C18orf63: variants seen among roughly 807,000 people sequenced by gnomAD.
The protein encoded by C18orf63 is uncharacterized protein C18orf63.
Under a neutral mutation model 75.3 loss-of-function variants are expected in C18orf63, and 50 were observed. The ratio of observed to expected loss-of-function variants is 0.66; its 90% CI spans 0.53 to 0.84. The LOEUF (loss-of-function observed/expected upper bound fraction) is 0.84, where lower values mean the gene tolerates loss of function less well. Ranked by LOEUF, C18orf63 falls within the 40% of genes least tolerant of loss-of-function variation. The pLI, the probability that C18orf63 is intolerant of heterozygous loss-of-function variation, is 0.00. For missense variants in C18orf63, 732 were observed against 800.2 expected, an observed-to-expected ratio of 0.91 and a Z score of 1.03; for synonymous variants, 232 against 267.6, an observed-to-expected ratio of 0.87 and a Z score of 1.30.
chr18:74,321,068 C>T (rs960343261), intron 3 of C18orf63, among the ~76,000 whole-genome samples: 1 of 151,996 alleles, frequency 6.6e-6, no homozygotes, highest in African/African-American at 2.4e-5. Flanking sequence ...CTGTATGTAA[C>T]CCTGAATTAT....
intron 11 of C18orf63, among the ~76,000 whole-genome samples, chr18:74,348,554 G>A (rs907578219): frequency 9.9e-5 from 15 of 152,010 alleles, no homozygotes; most frequent in African/African-American, 3.6e-4. Flanking sequence ...CAAGCTTTTG[G>A]CCTTCTTCTA....
intron 8 of C18orf63, among the ~76,000 whole-genome samples, 162 bp downstream of exon 8, chr18:74,338,986 T>A (rs970211135): frequency 3.9e-5 from 6 of 152,074 alleles, no homozygotes; most frequent in African/African-American, 1.4e-4. Flanking sequence ...ATTGTCATAT[T>A]TACAAAAGCC....
At chr18:74,343,334 G>T (rs528188535) in intron 10 of C18orf63, among the ~76,000 whole-genome samples, 185 bp from the exon 11 acceptor site, 2 of 152,118 alleles carry the variant, frequency 1.3e-5, no homozygotes, top group Admixed American at 6.5e-5. Context: ...AGAATAGAAG[G>T]AATGAAGATC....
intron 7 of C18orf63, among the ~76,000 whole-genome samples, chr18:74,336,198 TC>T (rs1984388531): frequency 6.6e-6 from 1 of 152,106 alleles, no homozygotes; most frequent in Non-Finnish European, 1.5e-5. Context: ...TTCAACTCTG[TC>T]CTTTCTGCTG....
chr18:74,342,175 T>C, intron 9 of C18orf63, 47 bp downstream of exon 9: 1 of 1,439,866 alleles, frequency 6.9e-7, no homozygotes, highest in South Asian at 1.2e-5. Context: ...TTGATTTTTG[T>C]TTATTGTAAC....
chr18:74,325,042 T>C (rs914667372), intron 4 of C18orf63, among the ~76,000 whole-genome samples: 2 of 152,204 alleles, frequency 1.3e-5, no homozygotes, highest in African/African-American at 4.8e-5. Flanking sequence ...AGCACTCTAC[T>C]TGATTCTGGG....
At position 74,338,746 on chromosome 18, in the gene C18orf63, T is replaced by C; in HGVS notation, c.533T>C (p.Ile178Thr). Residue 178 changes from isoleucine to threonine, a missense_variant, in exon 8 of 14, where the codon ATA becomes ACA. By Grantham distance (89) the Ile-to-Thr change is moderately conservative. Transcript: ENST00000579455. ...LKEFEISQSI[I>T]KDFHANKHAV... ...GAGTTTGAGATTTCCCAGAGTATTATAAAGGATTTTCATGCTAACAAGCAT... is the reference window on the plus strand; with the variant it reads ...GAGTTTGAGATTTCCCAGAGTATTACAAAGGATTTTCATGCTAACAAGCAT... The C allele has an allele frequency of 1.4e-6, 2 of 1,401,982 alleles. No individual in the cohort carries two copies. Among genetic ancestry groups the C allele is most frequent in the South Asian group, 1.6e-5 (1 of 62,546 alleles). The allele number at this position is 1,401,982 out of a possible 1,614,324, so 86.8% of individuals were successfully genotyped here.
At position 74,354,184 on chromosome 18, in the gene C18orf63, A is replaced by T. The variant is rs1568241348; in HGVS notation, c.1917A>T (p.Lys639Asn). 1.3e-6 allele frequency: 2 copies of T among 1,536,266 alleles called. No individual in the cohort carries two copies. Among genetic ancestry groups the T allele is most frequent in the South Asian group, 1.2e-5 (1 of 84,058 alleles). Reference protein sequence around the residue: ...VSKIAHRSKRKLCPESSKTSK... With the variant: ...VSKIAHRSKRNLCPESSKTSK... ...AAATAGCCCACAGGTCTAAAAGAAA[A>T]TTATGTCCAGAGTCTTCCAAAACTT... Residue 639 changes from lysine to asparagine, a missense_variant, in exon 12 of 14, where the codon AAA becomes AAT. Lys to Asn is a moderately conservative substitution (Grantham distance 94, BLOSUM62 0). Coordinates refer to ENST00000579455, the MANE Select transcript of C18orf63 (RefSeq NM_001174123.2).
In C18orf63 at chr18:74,338,756, T is replaced by C; in HGVS notation, c.543T>C (p.Phe181=). The C allele has an allele frequency of 1.4e-6, 2 of 1,417,350 alleles. No individual in the cohort carries two copies. Among genetic ancestry groups the C allele is most frequent in the Non-Finnish European group, 1.9e-6 (2 of 1,074,076 alleles). 87.8% of individuals were successfully genotyped at this position (1,417,350 alleles called of 1,614,324 possible). ...FEISQSIIKD[F]HANKHAVIER... ...TTTCCCAGAGTATTATAAAGGATTT[T>C]CATGCTAACAAGCATGCTGTCATTG... Residue 181 remains phenylalanine (F), a synonymous_variant, in exon 8 of 14, where the codon TTT becomes TTC. Coordinates refer to ENST00000579455, the MANE Select transcript of C18orf63 (RefSeq NM_001174123.2).
Position 74,359,113 on chromosome 18 carries a change from G to A in C18orf63, c.*2666G>A, listed in dbSNP as rs892703250. On this transcript the variant is annotated 3_prime_UTR_variant, in exon 14 of 14. Coordinates refer to ENST00000579455, the MANE Select transcript of C18orf63 (RefSeq NM_001174123.2). ...AATGTCATGGTCCTTATGTTTTGAT[G>A]TTTAAAATGTTCACTTTGTTGTACG... 1 of 152,234 alleles carries A rather than the reference G, an allele frequency of 6.6e-6. No individual in the cohort carries two copies. Among genetic ancestry groups the A allele is most frequent in the East Asian group, 1.9e-4 (1 of 5,180 alleles). The allele number at this position is 152,234 out of a possible 1,614,324, so 9.4% of individuals were successfully genotyped here.
intron 1 of C18orf63, among the ~76,000 whole-genome samples, chr18:74,317,171 C>A (rs566221614): frequency 3.3e-4 from 51 of 152,314 alleles, no homozygotes; most frequent in African/African-American, 1.2e-3. Flanking sequence ...GCTTACTTTT[C>A]CCTAATGTAT....
rs2144447789 is a variant in C18orf63 at position 74,356,632 on chromosome 18, T to G, written c.*185T>G. 6.6e-6 allele frequency: 1 copy of G among 152,550 alleles called. No homozygotes were observed. Among genetic ancestry groups the G allele is most frequent in the East Asian group, 1.9e-4 (1 of 5,178 alleles). The allele number at this position is 152,550 out of a possible 1,614,324, so 9.4% of individuals were successfully genotyped here. A position where few individuals can be genotyped will look rare whatever the true frequency, so the allele number is the denominator to read the frequency against. ...TGCATAGCATCTTGTTGTATGTGGG[T>G]TTCTGTATTTAACTAGTCCCCTATT... On this transcript the variant is annotated 3_prime_UTR_variant, in exon 14 of 14. Coordinates refer to ENST00000579455, the MANE Select transcript of C18orf63 (RefSeq NM_001174123.2).
At chr18:74,348,080 T>C (rs1984603846) in intron 11 of C18orf63, among the ~76,000 whole-genome samples, 2 of 152,210 alleles carry the variant, frequency 1.3e-5, no homozygotes, top group South Asian at 4.1e-4. Context: ...AAGTTCCCCA[T>C]TTATCTCACA....
At chr18:74,351,643 G>C (rs912394362) in intron 11 of C18orf63, among the ~76,000 whole-genome samples, 1 of 152,220 alleles carries the variant, frequency 6.6e-6, no homozygotes, top group Non-Finnish European at 1.5e-5. Context: ...CCAGAATAGT[G>C]AGAGATGATA....
intron 11 of C18orf63, among the ~76,000 whole-genome samples, chr18:74,345,225 GT>G (rs1984554172): frequency 6.6e-6 from 1 of 151,404 alleles, no homozygotes; most frequent in African/African-American, 2.4e-5. Flanking sequence ...TGTGTTACGT[GT>G]TTGTTTGTTT....
At chr18:74,343,467 A>G in intron 10 of C18orf63, 52 bp from the exon 11 acceptor site, 6 of 1,189,658 alleles carry the variant, frequency 5.0e-6, no homozygotes, top group Non-Finnish European at 6.8e-6. Flanking sequence ...TCCCTTATAA[A>G]TTTCTGCCTC....
At position 74,320,592 on chromosome 18, in the gene C18orf63, G is replaced by T; in HGVS notation, c.213+1G>T. 6.6e-7 allele frequency: 1 copy of T among 1,518,258 alleles called. No homozygotes were observed. The allele number at this position is 1,518,258 out of a possible 1,614,324, so 94.0% of individuals were successfully genotyped here. A position where few individuals can be genotyped will look rare whatever the true frequency, so the allele number is the denominator to read the frequency against. Reference sequence around the variant, plus strand: ...AAACCAAATCTGGGTGGTGATGGCGGTTAGTATTTTAATATTTTGTGAAAT... The same window carrying T: ...AAACCAAATCTGGGTGGTGATGGCGTTTAGTATTTTAATATTTTGTGAAAT... On this transcript the variant is annotated splice_donor_variant, in intron 3 of 13. Coordinates refer to ENST00000579455, the MANE Select transcript of C18orf63 (RefSeq NM_001174123.2). LOFTEE classifies it high-confidence loss of function.
chr18:74,340,839 C>A (rs542151419), intron 8 of C18orf63, among the ~76,000 whole-genome samples: 2 of 151,870 alleles, frequency 1.3e-5, no homozygotes, highest in Admixed American at 1.3e-4. Flanking sequence ...TAGTGCTTAC[C>A]GGGGCTGGGT....
chr18:74,348,984 G>T (rs1483407579), intron 11 of C18orf63, among the ~76,000 whole-genome samples: 4 of 152,160 alleles, frequency 2.6e-5, no homozygotes, highest in African/African-American at 7.2e-5. Flanking sequence ...GAAACAGTGT[G>T]TGAATATAAA....
Sources: allele counts gnomAD v4.1 joint callset (sites outside exome capture counted in the v4.1 genomes callset), GRCh38; gene constraint gnomAD v4.1.1; transcripts MANE v1.5; gene names NCBI Gene and HGNC (gene_info 2026-07-23, HGNC 2026-07-21).